The following KCNIP4 variants were observed in gnomAD, a reference collection of about 807,000 sequenced individuals.
KCNIP4 encodes potassium voltage-gated channel interacting protein 4.
In KCNIP4, 12 loss-of-function variants were observed where a neutral mutation model predicts 34.0. That is an observed-to-expected ratio of 0.35 (90% CI 0.23 to 0.57). The LOEUF is 0.57. KCNIP4 is among the 20% of genes least tolerant of loss of function. The pLI is 0.83. For synonymous variants in KCNIP4, 124 were observed against 102.2 expected, an observed-to-expected ratio of 1.21 and a Z score of -1.29; for missense variants, 238 against 311.7, an observed-to-expected ratio of 0.76 and a Z score of 1.78.
At chr4:20,973,771 G>A (rs575885236) in intron 1 of KCNIP4, among the ~76,000 whole-genome samples, 1 of 152,230 alleles carries the variant, frequency 6.6e-6, no homozygotes, top group African/African-American at 2.4e-5. Flanking sequence ...TCAGGGAATA[G>A]GCCGGCCCTG....
At chr4:21,829,513 A>C (rs992880607) in intron 1 of KCNIP4, among the ~76,000 whole-genome samples, 1 of 152,066 alleles carries the variant, frequency 6.6e-6, no homozygotes, top group Non-Finnish European at 1.5e-5. Context: ...GAATAACAAA[A>C]GAAAACCTAA....
At chr4:21,219,084 A>G (rs1429445185) in intron 1 of KCNIP4, among the ~76,000 whole-genome samples, 1 of 152,190 alleles carries the variant, frequency 6.6e-6, no homozygotes, top group African/African-American at 2.4e-5. Flanking sequence ...TTAAATGACC[A>G]CAAAAGCAAC....
chr4:21,276,048 G>T (rs924529332), intron 1 of KCNIP4, among the ~76,000 whole-genome samples: 1 of 152,184 alleles, frequency 6.6e-6, no homozygotes, highest in African/African-American at 2.4e-5. Context: ...GCTACATGTG[G>T]CCTGCAGGCA....
intron 1 of KCNIP4, among the ~76,000 whole-genome samples, chr4:20,987,149 G>A (rs1237610852): frequency 2.0e-5 from 3 of 152,140 alleles, no homozygotes; most frequent in Non-Finnish European, 4.4e-5. Context: ...CCTGCATAGC[G>A]CTTTGGGAGG....
intron 1 of KCNIP4, among the ~76,000 whole-genome samples, chr4:21,444,736 C>T (rs1424362579): frequency 1.3e-5 from 2 of 152,174 alleles, no homozygotes; most frequent in African/African-American, 4.8e-5. Flanking sequence ...TGCCCTCTCT[C>T]ACCACTCCTA....
intron 1 of KCNIP4, among the ~76,000 whole-genome samples, chr4:21,045,072 C>A (rs1335257069): frequency 6.6e-6 from 1 of 152,310 alleles, no homozygotes; most frequent in East Asian, 1.9e-4. Context: ...TATGGGGACG[C>A]ATAATTTTTG....
chr4:20,762,082 T>C (rs528849704), intron 3 of KCNIP4, among the ~76,000 whole-genome samples: 1 of 152,134 alleles, frequency 6.6e-6, no homozygotes, highest in African/African-American at 2.4e-5. Context: ...TTATAAACAA[T>C]AGAAATTTAT....
At chr4:21,155,286 C>T (rs1051867784) in intron 1 of KCNIP4, among the ~76,000 whole-genome samples, 21 of 152,212 alleles carry the variant, frequency 1.4e-4, no homozygotes, top group Admixed American at 1.1e-3. Context: ...TAAATGAATC[C>T]TAACTGATAA....
chr4:21,400,538 CTCTTCTCTTCTCTT>C (rs1723444366), intron 1 of KCNIP4, among the ~76,000 whole-genome samples: 1 of 90,800 alleles, frequency 1.1e-5, no homozygotes, highest in Non-Finnish European at 2.3e-5. Flanking sequence ...CTCTTCTCTT[CTCTTCTCTTCTCTT>C]CTCTTCTCTT....
chr4:20,809,423 A>T (rs1715458923), intron 3 of KCNIP4, among the ~76,000 whole-genome samples: 1 of 152,058 alleles, frequency 6.6e-6, no homozygotes. Context: ...AGACTCCGAG[A>T]GGTCATAACA....
intron 1 of KCNIP4, among the ~76,000 whole-genome samples, chr4:21,887,909 G>A (rs57830835): frequency 0.038 from 5,756 of 152,098 alleles, 348 homozygotes; most frequent in African/African-American, 0.13. Context: ...GTAAAGTTGG[G>A]CCAATGAGGA....
chr4:21,104,861 C>G (rs1171125636), intron 1 of KCNIP4, among the ~76,000 whole-genome samples: 3 of 151,598 alleles, frequency 2.0e-5, no homozygotes, highest in Non-Finnish European at 4.4e-5. Flanking sequence ...AATCCTTTCC[C>G]CATTGCTTGT....
At chr4:21,029,231 C>CACTAAG (rs1740803184) in intron 1 of KCNIP4, among the ~76,000 whole-genome samples, 1 of 152,148 alleles carries the variant, frequency 6.6e-6, no homozygotes, top group African/African-American at 2.4e-5. Context: ...AGTATAGAGA[C>CACTAAG]ACTAAGAAAT....
At chr4:21,685,326 T>C (rs1750721707) in intron 1 of KCNIP4, among the ~76,000 whole-genome samples, 2 of 152,188 alleles carry the variant, frequency 1.3e-5, no homozygotes, top group African/African-American at 2.4e-5. Flanking sequence ...CTTGTAAAAG[T>C]ACTCAGCAGA....
intron 1 of KCNIP4, among the ~76,000 whole-genome samples, chr4:20,950,672 G>C (rs73099804): frequency 0.021 from 3,182 of 151,318 alleles, 111 homozygotes; most frequent in African/African-American, 0.074. Context: ...GCAAGCAGTA[G>C]AGAGGCATGC....
chr4:21,029,192 G>A (rs1047524067), intron 1 of KCNIP4, among the ~76,000 whole-genome samples: 3 of 152,150 alleles, frequency 2.0e-5, no homozygotes, highest in Non-Finnish European at 4.4e-5. Context: ...TTTCTAAGAT[G>A]AGGGTAACTT....
At chr4:21,534,343 T>C (rs1038794982) in intron 1 of KCNIP4, among the ~76,000 whole-genome samples, 2 of 152,196 alleles carry the variant, frequency 1.3e-5, no homozygotes, top group Non-Finnish European at 2.9e-5. Context: ...AATAAATTAC[T>C]AGCATTCATA....
intron 2 of KCNIP4, among the ~76,000 whole-genome samples, chr4:20,879,243 T>C (rs544269462): frequency 2.0e-5 from 3 of 152,308 alleles, no homozygotes; most frequent in Non-Finnish European, 2.9e-5. Context: ...GTTGAGGCGA[T>C]ACTAGTGTCA....
intron 1 of KCNIP4, among the ~76,000 whole-genome samples, chr4:21,530,680 G>T (rs910303867): frequency 6.6e-6 from 1 of 152,070 alleles, no homozygotes; most frequent in Non-Finnish European, 1.5e-5. Flanking sequence ...CATTGGATAA[G>T]GAGTTATCAA....
Sources: allele counts gnomAD v4.1 joint callset (sites outside exome capture counted in the v4.1 genomes callset), GRCh38; gene constraint gnomAD v4.1.1; transcripts MANE v1.5; gene names NCBI Gene and HGNC (gene_info 2026-07-23, HGNC 2026-07-21).